The following GORASP2 variants were observed in gnomAD, a reference collection of about 807,000 sequenced individuals.
The protein encoded by GORASP2 is Golgi reassembly-stacking protein 2.
Under a neutral mutation model 45.7 loss-of-function variants are expected in GORASP2, and 22 were observed. That is an observed-to-expected ratio of 0.48 (90% CI 0.34 to 0.69). The LOEUF (loss-of-function observed/expected upper bound fraction) is 0.69, where lower values mean the gene tolerates loss of function less well. Among genes scored for constraint, GORASP2 ranks in the 30% least tolerant of loss-of-function variants. The pLI is 0.01. For missense variants in GORASP2, 491 were observed against 562.7 expected (o/e 0.87, Z 1.29); for synonymous variants, 221 against 215.6 (o/e 1.02, Z -0.22).
chr2:170,938,024 C>T (rs6742797), intron 1 of GORASP2, among the ~76,000 whole-genome samples: 91,147 of 152,042 alleles, frequency 0.6, 29,085 homozygotes, highest in East Asian at 0.95. Context: ...ATAGCAGAGC[C>T]ACTTCTACCT....
At position 170,964,477 on chromosome 2, in the gene GORASP2, A is replaced by G. The variant is rs192293026; in HGVS notation, c.1019-1313A>G. Among the ~76,000 whole-genome samples the G allele has an allele frequency of 4.1e-4, 63 of 152,250 alleles. 1 individual carries two copies. Among genetic ancestry groups the G allele is most frequent in the Middle Eastern group, 3.4e-3 (1 of 294 alleles). ...AGACCAGCCTGACCAACATGGTGAA[A>G]CCCTGTCTCTATTAAAAATAGAAAA... On this transcript the variant is annotated intron_variant, in intron 9 of 9. Coordinates refer to ENST00000234160, the MANE Select transcript of GORASP2 (RefSeq NM_015530.5).
intron 5 of GORASP2, 136 bp downstream of exon 5, chr2:170,951,594 G>A: frequency 1.4e-6 from 1 of 705,858 alleles, no homozygotes; most frequent in Non-Finnish European, 2.3e-6. Context: ...GGAAGAGCTA[G>A]TCTAGAATAT....
At chr2:170,963,473 C>CCCA (rs1559316839) in intron 9 of GORASP2, among the ~76,000 whole-genome samples, 2 of 127,588 alleles carry the variant, frequency 1.6e-5, no homozygotes, top group African/African-American at 5.6e-5. Context: ...CTCCTCCTCC[C>CCCA]CCTCCTCCTC....
chr2:170,959,829 T>TC (rs1387682648), intron 7 of GORASP2, among the ~76,000 whole-genome samples: 1 of 148,578 alleles, frequency 6.7e-6, no homozygotes, highest in Admixed American at 6.7e-5. Flanking sequence ...TTCTTTTTTT[T>TC]TTTTTTTTTT....
intron 1 of GORASP2, among the ~76,000 whole-genome samples, chr2:170,947,606 G>C (rs1299362031): frequency 6.6e-6 from 1 of 152,122 alleles, no homozygotes; most frequent in Admixed American, 6.5e-5. Context: ...TTCCTCAACA[G>C]ATTATAAATG....
intron 1 of GORASP2, among the ~76,000 whole-genome samples, chr2:170,938,684 T>G (rs774357466): frequency 7.9e-5 from 12 of 152,206 alleles, no homozygotes; most frequent in Non-Finnish European, 1.5e-4. Flanking sequence ...GCTTACAGAT[T>G]ACATAGTTAG....
intron 7 of GORASP2, among the ~76,000 whole-genome samples, chr2:170,960,348 T>G (rs1704528531): frequency 6.6e-6 from 1 of 152,228 alleles, no homozygotes; most frequent in Non-Finnish European, 1.5e-5. Context: ...GCAAAGAACC[T>G]GCCTTCGAAA....
Position 170,929,379 on chromosome 2 carries a change from C to A in GORASP2, c.39C>A (p.Gly13=). 7.1e-7 allele frequency: 1 copy of A among 1,417,758 alleles called. No homozygotes were observed. Among genetic ancestry groups the A allele is most frequent in the Non-Finnish European group, 9.2e-7 (1 of 1,083,660 alleles). The allele number at this position is 1,417,758 out of a possible 1,614,324, so 87.8% of individuals were successfully genotyped here. The part of the protein sequence containing the change: ...SSQSVEIPGG[G]TEGYHVLRVQ... ...AAAGCGTCGAGATCCCGGGCGGGGG[C>A]ACCGAGGGCTACCACGTTCTGCGGG... Residue 13 remains glycine, a synonymous_variant, in exon 1 of 10, where the codon GGC becomes GGA. Transcript: ENST00000234160.
In GORASP2 at chr2:170,948,213, A is replaced by G. The variant is rs546290029; in HGVS notation, c.64-137A>G. ...GGACGGGCATTATCTGGGAGAGATG[A>G]AGAGAAATGAGAGAACTAGCGTGTA... On this transcript the variant is annotated intron_variant, in intron 1 of 9. Coordinates refer to ENST00000234160, the MANE Select transcript of GORASP2 (RefSeq NM_015530.5). 1.9e-5 allele frequency: 12 copies of G among 627,982 alleles called. No individual in the cohort carries two copies. The African/African-American group carries it at 1.9e-4, about 10-fold the overall frequency. The allele number at this position is 627,982 out of a possible 1,614,324, so 38.9% of individuals were successfully genotyped here.
At position 170,961,697 on chromosome 2, in the gene GORASP2, A is replaced by G; in HGVS notation, c.858A>G (p.Val286=). 1.2e-6 allele frequency: 2 copies of G among 1,600,298 alleles called. No homozygotes were observed. The highest frequency in any genetic ancestry group is 1.7e-6 in the Non-Finnish European group (2 of 1,167,346). The change falls in exon 8 of 10, where the codon GTA becomes GTG. Residue 286 remains valine (V), a synonymous_variant. Coordinates refer to ENST00000234160, the MANE Select transcript of GORASP2 (RefSeq NM_015530.5). ...VPTVPLLPPQ[V]NQSLTSVPPM... ...CAGTACCGTTATTGCCACCACAAGT[A>G]AACCAGTCCCTCACTTCTGTGCCAC...
At chr2:170,929,428 G>T in intron 1 of GORASP2, 25 bp downstream of exon 1, 1 of 1,358,492 alleles carries the variant, frequency 7.4e-7, no homozygotes. Flanking sequence ...GGCGGCCGGG[G>T]AGCTGCGGGC....
At chr2:170,943,528 A>G (rs994587745) in intron 1 of GORASP2, among the ~76,000 whole-genome samples, 3 of 152,192 alleles carry the variant, frequency 2.0e-5, no homozygotes, top group African/African-American at 4.8e-5. Context: ...CTTACTTGCA[A>G]ATGAGAAAAT....
At chr2:170,954,865 G>A in intron 6 of GORASP2, 83 bp downstream of exon 6, 2 of 1,055,016 alleles carry the variant, frequency 1.9e-6, no homozygotes, top group Non-Finnish European at 1.4e-6. Context: ...TATGGCAGTA[G>A]CACTATGAAA....
In GORASP2 at chr2:170,954,827, A is replaced by G. The variant is rs543155553; in HGVS notation, c.699+45A>G. The stretch of plus-strand genomic sequence containing the variant: ...TGAGTATATCATAAAGTTTTTACCA[A>G]AACGAGTCACGTGTTTCAGTGCTAC... On this transcript the variant is annotated intron_variant, in intron 6 of 9. Coordinates refer to ENST00000234160, the MANE Select transcript of GORASP2 (RefSeq NM_015530.5). 107 of 1,538,588 alleles carry G rather than the reference A, an allele frequency of 7.0e-5. 1 individual carries two copies. The East Asian group carries it at 2.3e-3, about 33-fold the overall frequency.
chr2:170,958,795 A>G (rs1344462839), intron 7 of GORASP2, among the ~76,000 whole-genome samples: 4 of 151,420 alleles, frequency 2.6e-5, no homozygotes, highest in Non-Finnish European at 2.9e-5. Flanking sequence ...CTAACCAAGT[A>G]GCTGTGATTG....
chr2:170,943,511 G>A (rs141094154), intron 1 of GORASP2, among the ~76,000 whole-genome samples: 3 of 152,242 alleles, frequency 2.0e-5, no homozygotes, highest in Non-Finnish European at 4.4e-5. Flanking sequence ...AGAAGATGGC[G>A]TTATCCCTTA....
chr2:170,936,770 T>C (rs1224428003), intron 1 of GORASP2: 1 of 552,286 alleles, frequency 1.8e-6, no homozygotes, highest in African/African-American at 1.9e-5. Context: ...CTGGGCAACA[T>C]AATGAGATCC....
rs190384540 is a variant in GORASP2, at chr2:170,964,716, G to A, written c.1019-1074G>A. The stretch of plus-strand genomic sequence containing the variant: ...TCAAACTACCATTTACTGTCGCAGC[G>A]CTCACCCCACCTTTTGTGCCCTGTA... On this transcript the variant is annotated intron_variant, in intron 9 of 9. Transcript: ENST00000234160. Among the ~76,000 whole-genome samples, 241 of 152,006 alleles carry A rather than the reference G, an allele frequency of 1.6e-3. 1 individual carries two copies. Among genetic ancestry groups the A allele is most frequent in the Admixed American group, 4.8e-3 (73 of 15,258 alleles).
At chr2:170,951,298 G>T in intron 4 of GORASP2, 30 bp from the exon 5 acceptor site, 1 of 1,568,720 alleles carries the variant, frequency 6.4e-7, no homozygotes. Flanking sequence ...ATGGTAACGT[G>T]AAACATTTTC....
Sources: allele counts gnomAD v4.1 joint callset (sites outside exome capture counted in the v4.1 genomes callset), GRCh38; gene constraint gnomAD v4.1.1; transcripts MANE v1.5; gene names NCBI Gene and HGNC (gene_info 2026-07-23, HGNC 2026-07-21).